The following CDH12 variants were observed in gnomAD, a reference collection of about 807,000 sequenced individuals.
CDH12 encodes cadherin 12.
A neutral mutation model predicts 74.1 loss-of-function variants in CDH12; 41 were observed. The ratio of observed to expected loss-of-function variants is 0.55; its 90% CI spans 0.43 to 0.72. The LOEUF is 0.72. CDH12 is among the 30% of genes least tolerant of loss of function. CDH12 has a pLI of 0.00. For missense variants in CDH12, 945 were observed against 977.2 expected (o/e 0.97, Z 0.44); for synonymous variants, 399 against 355.0 (o/e 1.12, Z -1.39).
At chr5:21,867,533 T>C (rs1004196396) in intron 6 of CDH12, among the ~76,000 whole-genome samples, 1 of 152,184 alleles carries the variant, frequency 6.6e-6, no homozygotes, top group African/African-American at 2.4e-5. Flanking sequence ...AGACATGTAG[T>C]CAAAGGAGAT....
chr5:21,839,413 T>C (rs1168172147), intron 8 of CDH12, among the ~76,000 whole-genome samples: 1 of 152,170 alleles, frequency 6.6e-6, no homozygotes, highest in Non-Finnish European at 1.5e-5. Context: ...ATTGTTCACC[T>C]TTAATATATA....
intron 1 of CDH12, among the ~76,000 whole-genome samples, chr5:22,763,045 G>T (rs1319767758): frequency 2.0e-5 from 3 of 151,760 alleles, no homozygotes; most frequent in Non-Finnish European, 4.4e-5. Flanking sequence ...TCATGTTGAT[G>T]TTCTGCCTTG....
intron 3 of CDH12, among the ~76,000 whole-genome samples, chr5:22,267,383 T>C (rs1736173025): frequency 6.6e-6 from 1 of 152,172 alleles, no homozygotes; most frequent in African/African-American, 2.4e-5. Flanking sequence ...TAAACATTTA[T>C]GATTAGTGAA....
intron 2 of CDH12, among the ~76,000 whole-genome samples, chr5:22,496,711 C>A (rs986464189): frequency 6.6e-6 from 1 of 152,166 alleles, no homozygotes; most frequent in African/African-American, 2.4e-5. Flanking sequence ...CAGTCTTGAT[C>A]TTTTAAGATT....
At chr5:22,340,483 A>G (rs1386316435) in intron 3 of CDH12, among the ~76,000 whole-genome samples, 2 of 149,956 alleles carry the variant, frequency 1.3e-5, no homozygotes, top group African/African-American at 2.5e-5. Context: ...CCGAGATCGC[A>G]CCACTGCACT....
chr5:22,447,342 TA>T (rs2126554260), intron 2 of CDH12, among the ~76,000 whole-genome samples: 1 of 152,220 alleles, frequency 6.6e-6, no homozygotes, highest in South Asian at 2.1e-4. Context: ...CAGAGAGATC[TA>T]AACAATAATC....
At chr5:22,449,633 T>A (rs1231300397) in intron 2 of CDH12, among the ~76,000 whole-genome samples, 2 of 152,054 alleles carry the variant, frequency 1.3e-5, no homozygotes, top group African/African-American at 4.8e-5. Context: ...TATATTCAAA[T>A]GAGACAATCT....
chr5:22,709,151 G>C (rs540467436), intron 1 of CDH12, among the ~76,000 whole-genome samples: 1 of 152,182 alleles, frequency 6.6e-6, no homozygotes, highest in South Asian at 2.1e-4. Context: ...GGAAGAGAGA[G>C]AGTGGCCACA....
In CDH12 at chr5:21,752,079, T is replaced by C; in HGVS notation, c.2043A>G (p.Pro681=). 6.2e-7 allele frequency: 1 copy of C among 1,614,160 alleles called. No individual in the cohort carries two copies. The highest frequency in any genetic ancestry group is 2.2e-5 in the East Asian group (1 of 44,878). ...QAFDIGALRN[P]KVIEENKIRR... The stretch of plus-strand genomic sequence containing the variant: ...GAATTTTGTTCTCCTCAATCACTTT[T>C]GGGTTTCTCAGAGCCCCGATGTCGA... The change falls in exon 15 of 15, where the codon CCA becomes CCG. Residue 681 remains proline (P), a synonymous_variant. Coordinates refer to ENST00000382254, the MANE Select transcript of CDH12 (RefSeq NM_004061.5).
chr5:22,754,583 A>C (rs1157486975), intron 1 of CDH12, among the ~76,000 whole-genome samples: 10 of 148,870 alleles, frequency 6.7e-5, no homozygotes, highest in African/African-American at 1.0e-4. Flanking sequence ...AAAAAAAAAA[A>C]AACAACAGCA....
chr5:22,311,869 G>A (rs754480270), intron 3 of CDH12, among the ~76,000 whole-genome samples: 9 of 151,800 alleles, frequency 5.9e-5, no homozygotes, highest in Non-Finnish European at 1.2e-4. Flanking sequence ...TTCTCTTCTC[G>A]CAAGGCAGAT....
At chr5:22,772,476 T>C (rs1179732307) in intron 1 of CDH12, among the ~76,000 whole-genome samples, 2 of 151,952 alleles carry the variant, frequency 1.3e-5, no homozygotes, top group Non-Finnish European at 2.9e-5. Context: ...AGGGAAGCAA[T>C]GTGTAGAAAA....
intron 5 of CDH12, among the ~76,000 whole-genome samples, chr5:22,042,925 C>A (rs1739680153): frequency 6.7e-6 from 1 of 148,472 alleles, no homozygotes. Context: ...CATAATAGAC[C>A]TATAATGAAT....
intron 4 of CDH12, among the ~76,000 whole-genome samples, chr5:22,145,300 G>C (rs1747087804): frequency 6.6e-6 from 1 of 152,196 alleles, no homozygotes; most frequent in African/African-American, 2.4e-5. Context: ...CCGTACAGCT[G>C]CTAGCAATGA....
intron 3 of CDH12, among the ~76,000 whole-genome samples, chr5:22,403,002 AT>A (rs1355447629): frequency 6.6e-6 from 1 of 152,202 alleles, no homozygotes; most frequent in Non-Finnish European, 1.5e-5. Context: ...AAAGGAATAA[AT>A]TTTGCTGATA....
intron 6 of CDH12, among the ~76,000 whole-genome samples, chr5:21,922,331 T>C (rs1754390735): frequency 6.6e-6 from 1 of 152,150 alleles, no homozygotes; most frequent in African/African-American, 2.4e-5. Flanking sequence ...AGAGGACTGT[T>C]AGGAAAAAAT....
intron 1 of CDH12, among the ~76,000 whole-genome samples, chr5:22,721,002 C>A (rs1349751692): frequency 6.6e-6 from 1 of 152,196 alleles, no homozygotes. Context: ...TTCAAGCCAG[C>A]TGAAGAAGTT....
intron 9 of CDH12, among the ~76,000 whole-genome samples, chr5:21,810,956 G>C (rs564176435): frequency 1.5e-4 from 23 of 152,058 alleles, no homozygotes; most frequent in Admixed American, 2.0e-4. Context: ...AAAAGAAAAA[G>C]AGTTTTACTG....
chr5:22,308,426 C>G (rs766431814), intron 3 of CDH12, among the ~76,000 whole-genome samples: 4 of 152,046 alleles, frequency 2.6e-5, no homozygotes, highest in Non-Finnish European at 4.4e-5. Context: ...CCATGTATGA[C>G]TGGGATGCTG....
Sources: allele counts gnomAD v4.1 joint callset (sites outside exome capture counted in the v4.1 genomes callset), GRCh38; gene constraint gnomAD v4.1.1; transcripts MANE v1.5; gene names NCBI Gene and HGNC (gene_info 2026-07-23, HGNC 2026-07-21).